MIA3: variants seen among roughly 807,000 people sequenced by gnomAD.
MIA3 encodes the protein MIA SH3 domain ER export factor 3.
MIA3 carries 90 observed loss-of-function variants against 192.4 expected under a neutral mutation model. The observed-to-expected ratio is 0.47, with a 90% CI of 0.39 to 0.56. MIA3 has a LOEUF of 0.56. MIA3 is among the 20% of genes least tolerant of loss of function. MIA3 has a pLI of 0.00. For missense variants in MIA3, 2,123 were observed against 2,269.4 expected (o/e 0.94, Z 1.31); for synonymous variants, 740 against 792.8 (o/e 0.93, Z 1.12).
chr1:222,623,124 T>C (rs1401004518), intron 2 of MIA3, among the ~76,000 whole-genome samples: 1 of 152,248 alleles, frequency 6.6e-6, no homozygotes, highest in African/African-American at 2.4e-5. Flanking sequence ...TGTCCTGATA[T>C]TATCTTATGC....
At chr1:222,647,533 G>A (rs1663205812) in intron 7 of MIA3, among the ~76,000 whole-genome samples, 1 of 152,034 alleles carries the variant, frequency 6.6e-6, no homozygotes, top group South Asian at 2.1e-4. Context: ...TTTCCTGTGA[G>A]GCCTTCTCTA....
intron 27 of MIA3, 62 bp downstream of exon 27, chr1:222,664,210 C>T (rs1315109052): frequency 5.8e-6 from 9 of 1,559,958 alleles, no homozygotes; most frequent in Non-Finnish European, 7.9e-6. Flanking sequence ...CCATCTATCC[C>T]TTGCTAAAAC....
At position 222,621,209 on chromosome 1, in the gene MIA3, C is replaced by G. The variant is rs780249851; in HGVS notation, c.184C>G (p.Arg62Gly). ...TGAAGATTTCACAGGCCCGGATTGT[C>G]GTTTTGTGAATTTTAAAAAAGGTGA... ...ALEDFTGPDC[R>G]FVNFKKGDPV... The change falls in exon 2 of 28, where the codon CGT (arginine) becomes GGT (glycine). Residue 62 changes from arginine to glycine, a missense_variant. Transcript: ENST00000344922. The G allele has an allele frequency of 6.2e-7, 1 of 1,613,478 alleles. No homozygotes were observed. Among genetic ancestry groups the G allele is most frequent in the African/African-American group, 1.3e-5 (1 of 74,938 alleles).
intron 24 of MIA3, chr1:222,660,731 A>T (rs1363571561): frequency 5.8e-6 from 1 of 172,886 alleles, no homozygotes; most frequent in African/African-American, 2.4e-5. Flanking sequence ...TGAACCACAT[A>T]GCCTAGAAAT....
At chr1:222,665,269 C>G (rs559721945) in intron 27 of MIA3, 40 bp from the exon 28 acceptor site, 8 of 1,329,768 alleles carry the variant, frequency 6.0e-6, no homozygotes, top group Non-Finnish European at 8.3e-6. Flanking sequence ...AATTTAAATA[C>G]GTTCCTAGGA....
At chr1:222,651,849 T>TG (rs1333388417) in intron 11 of MIA3, 128 bp from the exon 12 acceptor site, 20 of 680,432 alleles carry the variant, frequency 2.9e-5, no homozygotes, top group African/African-American at 2.9e-4. Context: ...CTGAAACACC[T>TG]GCTTTTACCT....
chr1:222,633,362 C>A, intron 6 of MIA3, 113 bp downstream of exon 6: 1 of 896,248 alleles, frequency 1.1e-6, no homozygotes, highest in Non-Finnish European at 1.7e-6. Context: ...GACTCCTGAT[C>A]CTTTGAAGAG....
chr1:222,618,098 A>C lies in MIA3; in HGVS notation c.-13A>C, dbSNP rs376169786. The C allele has an allele frequency of 5.8e-4, 800 of 1,373,544 alleles. 5 individuals carry two copies. In the African/African-American group the frequency reaches 0.011, roughly 19 times the overall value. The allele number at this position is 1,373,544 out of a possible 1,614,324, so 85.1% of individuals were successfully genotyped here. A position where few individuals can be genotyped will look rare whatever the true frequency, so the allele number is the denominator to read the frequency against. On this transcript the variant is annotated 5_prime_UTR_variant, in exon 1 of 28. Coordinates refer to ENST00000344922, the MANE Select transcript of MIA3 (RefSeq NM_198551.4). The stretch of plus-strand genomic sequence containing the variant: ...CCTCCTCCGCGTCACCGGCTCCCCG[A>C]GGTGACCACAACATGGCTGCGGCGC...
Position 222,650,902 on chromosome 1 carries a change from T to C in MIA3, c.3908T>C (p.Leu1303Ser). Residue 1303 changes from leucine to serine, a missense_variant and splice_region_variant, in exon 11 of 28, where the codon TTG becomes TCG. Physicochemically the swap from Leu to Ser is moderately radical, Grantham distance 145 (BLOSUM62 -2). This residue lies in a region of MIA3 where 762 missense variants were observed against 856.4 expected (regional missense o/e 0.89). Coordinates refer to ENST00000344922, the MANE Select transcript of MIA3 (RefSeq NM_198551.4). ...GAACAGAATGTCAAGAATCAGGACT[T>C]GGTAAGAGTTTTGCTGCTAAGTATT... ...EREQNVKNQD[L>S]ISENKKSIEK... The C allele has an allele frequency of 6.3e-7, 1 of 1,575,674 alleles. No homozygotes were observed. Among genetic ancestry groups the C allele is most frequent in the Non-Finnish European group, 8.7e-7 (1 of 1,155,444 alleles).
intron 5 of MIA3, 36 bp from the exon 6 acceptor site, chr1:222,633,068 A>G (rs1662472376): frequency 1.9e-6 from 3 of 1,557,938 alleles, no homozygotes; most frequent in Non-Finnish European, 1.7e-6. Flanking sequence ...TTCTTATTCT[A>G]AAGCACAAAA....
intron 1 of MIA3, among the ~76,000 whole-genome samples, chr1:222,619,191 C>T (rs756256643): frequency 3.4e-4 from 52 of 152,172 alleles, no homozygotes; most frequent in Non-Finnish European, 6.2e-4. Flanking sequence ...TCTCATAAGC[C>T]AAGCTTGGTT....
In MIA3 at chr1:222,654,290, G is replaced by A. The variant is rs770342754; in HGVS notation, c.4369G>A (p.Val1457Ile). The change falls in exon 16 of 28, where the codon GTC becomes ATC. Residue 1457 changes from valine to isoleucine, a missense_variant. Physicochemically the swap from Val to Ile is conservative, Grantham distance 29. Transcript: ENST00000344922. ...AAATCAAATTAAGCAGATGATGGAT[G>A]TCTCTCGGGTATAATCGTTTTTAGA... ...MKNQIKQMMDVSRTQTAISVV... is the reference protein window; with the variant it reads ...MKNQIKQMMDISRTQTAISVV... 36 of 1,614,008 alleles carry A rather than the reference G, an allele frequency of 2.2e-5. No individual in the cohort carries two copies. The East Asian group carries it at 6.0e-4, about 27-fold the overall frequency.
Position 222,618,172 on chromosome 1 carries a change from C to T in MIA3, c.62C>T (p.Pro21Leu), listed in dbSNP as rs2102704854. ...LLVLRLPWRV[P>L]GQLDPSTGRR... is the part of the protein sequence containing the mutation. ...GTGCTCCGGCTGCCCTGGCGGGTGC[C>T]GGGCCAGCTGGACCCCAGCACTGGC... Residue 21 changes from proline to leucine, a missense_variant, in exon 1 of 28, where the codon CCG becomes CTG. Around this residue, in one of 3 missense-constraint regions of MIA3, gnomAD observed 1,357 missense variants for 1,396.1 expected, o/e 0.97. Coordinates refer to ENST00000344922, the MANE Select transcript of MIA3 (RefSeq NM_198551.4). 1.3e-6 allele frequency: 2 copies of T among 1,504,348 alleles called. No individual in the cohort carries two copies. Among genetic ancestry groups the T allele is most frequent in the African/African-American group, 1.5e-5 (1 of 68,918 alleles). 93.2% of individuals were successfully genotyped at this position (1,504,348 alleles called of 1,614,324 possible).
chr1:222,650,565 C>A, intron 9 of MIA3, 69 bp from the exon 10 acceptor site: 2 of 1,108,446 alleles, frequency 1.8e-6, no homozygotes, highest in Non-Finnish European at 2.7e-6. Context: ...AGAGGTCAGT[C>A]ACTTGAAAAT....
chr1:222,661,395 T>C (rs1366743187), intron 24 of MIA3: 1 of 152,582 alleles, frequency 6.6e-6, no homozygotes, highest in Non-Finnish European at 1.5e-5. Context: ...ACATTTCCTC[T>C]TCCTTATGAT....
chr1:222,641,902 TATCTATAG>T, intron 6 of MIA3: 1 of 443,310 alleles, frequency 2.3e-6, no homozygotes, highest in South Asian at 1.7e-5. Context: ...ATCAAATATC[TATCTATAG>T]ATGACAGATA....
chr1:222,660,321 A>G lies in MIA3; in HGVS notation c.5113+7A>G. The G allele has an allele frequency of 6.2e-7, 1 of 1,604,742 alleles. No individual in the cohort carries two copies. Among genetic ancestry groups the G allele is most frequent in the Non-Finnish European group, 8.5e-7 (1 of 1,177,152 alleles). ...ATGCCTAGAAGTGAATTTGGTGAGC[A>G]TTCACATGTTTCCTTGCAATACTCT... On this transcript the variant is annotated splice_region_variant and intron_variant, in intron 24 of 27. Transcript: ENST00000344922.
At chr1:222,638,499 T>C (rs1239546413) in intron 6 of MIA3, among the ~76,000 whole-genome samples, 1 of 151,930 alleles carries the variant, frequency 6.6e-6, no homozygotes, top group African/African-American at 2.4e-5. Flanking sequence ...AAGACCAGCC[T>C]AAACATGGTG....
At chr1:222,624,550 G>A (rs1302680628) in intron 2 of MIA3, among the ~76,000 whole-genome samples, 1 of 152,134 alleles carries the variant, frequency 6.6e-6, no homozygotes, top group African/African-American at 2.4e-5. Flanking sequence ...TTTGTGTTTA[G>A]TGCAATACTG....
Sources: allele counts gnomAD v4.1 joint callset (sites outside exome capture counted in the v4.1 genomes callset), GRCh38; gene constraint gnomAD v4.1.1; regional missense constraint gnomAD v4.1.1; transcripts MANE v1.5; gene names NCBI Gene and HGNC (gene_info 2026-07-23, HGNC 2026-07-21).